The following CELF4 variants were observed in gnomAD, a reference collection of about 807,000 sequenced individuals.
CELF4 encodes the protein CUG-BP- and ETR-3-like factor 4.
Under a neutral mutation model 59.9 loss-of-function variants are expected in CELF4, and 18 were observed. The observed-to-expected ratio is 0.30, with a 90% CI of 0.21 to 0.45. The LOEUF (loss-of-function observed/expected upper bound fraction) is 0.45. Among genes scored for constraint, CELF4 ranks in the 20% least tolerant of loss-of-function variants. The pLI, the probability that CELF4 is intolerant of heterozygous loss-of-function variation, is 1.00. For missense variants in CELF4, 456 were observed against 689.0 expected (o/e 0.66, Z 3.79); for synonymous variants, 261 against 267.1 (o/e 0.98, Z 0.22).
chr18:37,357,891 A>G (rs1456141081), intron 2 of CELF4, among the ~76,000 whole-genome samples: 3 of 152,130 alleles, frequency 2.0e-5, no homozygotes, highest in Non-Finnish European at 4.4e-5. Flanking sequence ...TGTTTTGGCC[A>G]ATTTCTCCCA....
chr18:37,464,868 C>G (rs891650319), intron 2 of CELF4, among the ~76,000 whole-genome samples: 8 of 152,164 alleles, frequency 5.3e-5, no homozygotes, highest in African/African-American at 1.9e-4. Context: ...AAAGTCCACG[C>G]TGATGTTCTC....
At chr18:37,301,308 C>T (rs1331480629) in intron 3 of CELF4, among the ~76,000 whole-genome samples, 2 of 152,194 alleles carry the variant, frequency 1.3e-5, no homozygotes, top group Non-Finnish European at 2.9e-5. Flanking sequence ...TGCCACAGCC[C>T]CCTGTCCCTG....
chr18:37,518,079 C>A (rs67495336), intron 1 of CELF4, among the ~76,000 whole-genome samples: 11,190 of 152,160 alleles, frequency 0.074, 599 homozygotes, highest in East Asian at 0.26. Context: ...GAGACCTGAC[C>A]AGCAAGGCTC....
intron 2 of CELF4, among the ~76,000 whole-genome samples, chr18:37,339,773 C>A (rs2097922279): frequency 6.8e-6 from 1 of 148,140 alleles, no homozygotes. Flanking sequence ...AAAAAAAAGG[C>A]CTGGGAGGCA....
intron 2 of CELF4, among the ~76,000 whole-genome samples, chr18:37,398,144 G>A (rs897024465): frequency 3.9e-5 from 6 of 152,192 alleles, no homozygotes; most frequent in African/African-American, 1.4e-4. Flanking sequence ...TTGCTGTTGG[G>A]AGAGAGTGAA....
At position 37,527,246 on chromosome 18, in the gene CELF4, C is replaced by T. The variant is rs59781867; in HGVS notation, c.286+38110G>A. ...CACTCCCTGATATCAACTTAGCCAC[C>T]ATAGAACTGACCTGAGAAGTGCTGG... On this transcript the variant is annotated intron_variant, in intron 1 of 12. Transcript: ENST00000420428. Among the ~76,000 whole-genome samples the T allele has an allele frequency of 1.8e-3, 274 of 151,910 alleles. 5 individuals are homozygous for T. The East Asian group carries it at 0.048, about 26-fold the overall frequency.
chr18:37,432,431 A>G (rs1356569716), intron 2 of CELF4, among the ~76,000 whole-genome samples: 1 of 152,252 alleles, frequency 6.6e-6, no homozygotes, highest in Non-Finnish European at 1.5e-5. Flanking sequence ...GAGAAATAAG[A>G]GAACAACAGA....
chr18:37,424,037 C>T (rs1272563564), intron 2 of CELF4, among the ~76,000 whole-genome samples: 1 of 151,812 alleles, frequency 6.6e-6, no homozygotes, highest in Non-Finnish European at 1.5e-5. Context: ...GAGACAACTT[C>T]CTGCTCCATG....
intron 1 of CELF4, among the ~76,000 whole-genome samples, chr18:37,531,436 G>A (rs533529411): frequency 6.6e-5 from 10 of 152,240 alleles, no homozygotes; most frequent in African/African-American, 2.2e-4. Flanking sequence ...GAGGCTGCAC[G>A]GGGAAAACAA....
rs1276376372 is a variant in CELF4 at position 37,539,132 on chromosome 18, T to C, written c.286+26224A>G. 2.6e-5 allele frequency among the ~76,000 whole-genome samples: 4 copies of C among 152,314 alleles called. No individual in the cohort carries two copies. The East Asian group carries it at 7.7e-4, about 29-fold the overall frequency. On this transcript the variant is annotated intron_variant, in intron 1 of 12. Coordinates refer to ENST00000420428, the MANE Select transcript of CELF4 (RefSeq NM_020180.4). ...GGCTGCTCCTGCGCAGCAAACACAC[T>C]GCCTCTTGGAAACGACAGTAACAGC... is the stretch of plus-strand genomic sequence containing the variant.
At chr18:37,393,545 G>A (rs1342644776) in intron 2 of CELF4, among the ~76,000 whole-genome samples, 2 of 152,186 alleles carry the variant, frequency 1.3e-5, no homozygotes, top group Non-Finnish European at 2.9e-5. Context: ...GGAACTCATT[G>A]CTCACAGAGG....
intron 11 of CELF4, among the ~76,000 whole-genome samples, chr18:37,255,253 G>T (rs978009322): frequency 5.3e-5 from 8 of 152,092 alleles, no homozygotes; most frequent in Middle Eastern, 3.4e-3. Flanking sequence ...TCAGTTTATT[G>T]TCTGTGGTAC....
intron 2 of CELF4, among the ~76,000 whole-genome samples, chr18:37,385,944 G>A (rs1444060122): frequency 6.6e-6 from 1 of 152,204 alleles, no homozygotes; most frequent in African/African-American, 2.4e-5. Context: ...TAGTGCTCAA[G>A]TGTGACATTT....
intron 1 of CELF4, among the ~76,000 whole-genome samples, chr18:37,561,959 G>A (rs770401838): frequency 1.3e-4 from 20 of 152,242 alleles, no homozygotes; most frequent in Non-Finnish European, 2.5e-4. Context: ...CACTAAACTC[G>A]GTTTTCTTCC....
rs79358626 is a variant in CELF4, at chr18:37,346,520, G to A, written c.370-24639C>T. Among the ~76,000 whole-genome samples, 487 of 152,320 alleles carry A rather than the reference G, an allele frequency of 3.2e-3. 27 individuals are homozygous for A. In the East Asian group the frequency reaches 0.086, roughly 27 times the overall value. On this transcript the variant is annotated intron_variant, in intron 2 of 12. Coordinates refer to ENST00000420428, the MANE Select transcript of CELF4 (RefSeq NM_020180.4). ...ATACCAGATATGGATGGACCACCTAGTCGGGTTCTTTGTGTGGATGAAGAC... is the reference window on the plus strand; with the variant it reads ...ATACCAGATATGGATGGACCACCTAATCGGGTTCTTTGTGTGGATGAAGAC...
intron 1 of CELF4, among the ~76,000 whole-genome samples, chr18:37,532,610 G>A (rs2099970425): frequency 1.3e-5 from 2 of 151,580 alleles, no homozygotes; most frequent in Admixed American, 1.3e-4. Flanking sequence ...GACTTTTTAT[G>A]TTCTGGAAGA....
intron 1 of CELF4, among the ~76,000 whole-genome samples, chr18:37,563,393 A>G (rs1297289738): frequency 6.6e-6 from 1 of 152,074 alleles, no homozygotes; most frequent in Non-Finnish European, 1.5e-5. Flanking sequence ...ATCACCATAA[A>G]AACTGATCAT....
intron 2 of CELF4, among the ~76,000 whole-genome samples, chr18:37,418,260 A>G (rs543326232): frequency 6.6e-6 from 1 of 152,182 alleles, no homozygotes; most frequent in Non-Finnish European, 1.5e-5. Context: ...CATTGGTAAA[A>G]TATCTAATGA....
chr18:37,555,914 A>T (rs1308691548), intron 1 of CELF4, among the ~76,000 whole-genome samples: 1 of 152,142 alleles, frequency 6.6e-6, no homozygotes, highest in Admixed American at 6.6e-5. Flanking sequence ...ATGTGTGTGT[A>T]TGTATGCGAG....
Sources: gnomAD v4.1 joint callset for allele counts (sites outside exome capture counted in the v4.1 genomes callset) on GRCh38, gnomAD v4.1.1 for gene constraint, MANE v1.5 for transcripts, NCBI Gene and HGNC (gene_info 2026-07-23, HGNC 2026-07-21) for gene names.